The following DAAM2 variants were observed in gnomAD, a reference collection of about 807,000 sequenced individuals.
The protein encoded by DAAM2 is disheveled-associated activator of morphogenesis 2.
A neutral mutation model predicts 120.7 loss-of-function variants in DAAM2; 39 were observed. The observed-to-expected ratio is 0.32, with a 90% CI of 0.25 to 0.42. The LOEUF is 0.42. Ranked by LOEUF, DAAM2 falls within the 10% of genes least tolerant of loss-of-function variation. The pLI is 1.00. For synonymous variants in DAAM2, 488 were observed against 524.9 expected (o/e 0.93, Z 0.96); for missense variants, 1,283 against 1,401.7 (o/e 0.92, Z 1.35).
chr6:39,889,626 G>T (rs1765584182), intron 17 of DAAM2, among the ~76,000 whole-genome samples: 1 of 152,046 alleles, frequency 6.6e-6, no homozygotes, highest in African/African-American at 2.4e-5. Flanking sequence ...ATAATGTGGG[G>T]GCTGGAGGCA....
rs1176505769 is a variant in DAAM2 at position 39,873,637 on chromosome 6, G to A, written c.1162+282G>A. Among the ~76,000 whole-genome samples, 3 of 152,332 alleles carry A rather than the reference G, an allele frequency of 2.0e-5. No individual in the cohort carries two copies. In the East Asian group the frequency reaches 5.8e-4, roughly 29 times the overall value. ...AGCTTGATCATTGCAAAATTAAATA[G>A]CTCAGCTTTCAGCTCATGACGGGGG... On this transcript the variant is annotated intron_variant, in intron 10 of 24. Coordinates refer to ENST00000274867, the MANE Select transcript of DAAM2 (RefSeq NM_001201427.2).
chr6:39,797,382 C>T (rs1424230335), intron 1 of DAAM2, among the ~76,000 whole-genome samples: 3 of 152,130 alleles, frequency 2.0e-5, no homozygotes, highest in African/African-American at 4.8e-5. Flanking sequence ...ATTTAAACAT[C>T]GTTGACAATC....
Position 39,865,054 on chromosome 6 carries a change from C to A in DAAM2, c.408C>A (p.Ala136=). 6.3e-7 allele frequency: 1 copy of A among 1,577,934 alleles called. No homozygotes were observed. The highest frequency in any genetic ancestry group is 8.7e-7 in the Non-Finnish European group (1 of 1,151,776). ...AAGTCGTGGAAGACCTGAAGACAGC[C>A]CTCCGGACACAGCCTATGAGGTAAT... The part of the protein sequence containing the change: ...RNQVVEDLKT[A]LRTQPMRFVT... Residue 136 remains alanine (A), a synonymous_variant, in exon 5 of 25, where the codon GCC becomes GCA. Coordinates refer to ENST00000274867, the MANE Select transcript of DAAM2 (RefSeq NM_001201427.2).
Position 39,878,491 on chromosome 6 carries a change from T to A in DAAM2, c.1448T>A (p.Leu483Gln). Residue 483 changes from leucine (L) to glutamine (Q), a missense_variant, in exon 13 of 25, where the codon CTG becomes CAG. This residue lies in a region of DAAM2 where 748 missense variants were observed against 768.6 expected (regional missense o/e 0.97). Transcript: ENST00000274867. The surrounding 1 kb of genome is among the most constrained non-coding windows in gnomAD (Gnocchi z 5.0). Reference protein sequence around the residue: ...TLEKEEMMRTLNKMKDKLARE... With the variant: ...TLEKEEMMRTQNKMKDKLARE... ...GAGAAGGAAGAGATGATGCGGACGC[T>A]GAACAAAATGAAGGACAAGCTGGCC... The A allele has an allele frequency of 1.9e-6, 3 of 1,610,532 alleles. No individual in the cohort carries two copies.
In DAAM2 at chr6:39,878,355, A is replaced by G. The variant is rs745750441; in HGVS notation, c.1361-49A>G. ...GCCCTTCCAGGCAGGGAGTCACATT[A>G]CTCACATTCTCTCCTTCTGTTTCCT... is the stretch of plus-strand genomic sequence containing the variant. On this transcript the variant is annotated intron_variant, in intron 12 of 24. Coordinates refer to ENST00000274867, the MANE Select transcript of DAAM2 (RefSeq NM_001201427.2). The surrounding 1 kb of genome is among the most constrained non-coding windows in gnomAD (Gnocchi z 5.0). 7.5e-6 allele frequency: 12 copies of G among 1,608,506 alleles called. No homozygotes were observed. The African/African-American group carries it at 1.2e-4, about 16-fold the overall frequency.
rs1484588086 is a variant in DAAM2, at chr6:39,856,262, T to G, written c.-41T>G. On this transcript the variant is annotated 5_prime_UTR_variant, in exon 2 of 25. An upstream open reading frame in the 5' UTR loses its in-frame stop. Coordinates refer to ENST00000274867, the MANE Select transcript of DAAM2 (RefSeq NM_001201427.2). Reference sequence around the variant, plus strand: ...TCTTGTCCAGATCACAATGAGGACCTAGGGCATCTGTCTGCTGACGCCCCC... The same window carrying G: ...TCTTGTCCAGATCACAATGAGGACCGAGGGCATCTGTCTGCTGACGCCCCC... 1 of 1,433,354 alleles carries G rather than the reference T, an allele frequency of 7.0e-7. No individual in the cohort carries two copies. Among genetic ancestry groups the G allele is most frequent in the Non-Finnish European group, 9.2e-7 (1 of 1,091,760 alleles). 88.8% of individuals were successfully genotyped at this position (1,433,354 alleles called of 1,614,324 possible). A position where few individuals can be genotyped will look rare whatever the true frequency, so the allele number is the denominator to read the frequency against.
intron 1 of DAAM2, among the ~76,000 whole-genome samples, chr6:39,843,307 G>A (rs999192257): frequency 1.3e-5 from 2 of 152,148 alleles, no homozygotes; most frequent in African/African-American, 4.8e-5. Flanking sequence ...AGTGTGGAGT[G>A]GAGGAGTGGG....
chr6:39,849,769 G>A (rs1763736514), intron 1 of DAAM2, among the ~76,000 whole-genome samples: 1 of 152,190 alleles, frequency 6.6e-6, no homozygotes, highest in Non-Finnish European at 1.5e-5. Flanking sequence ...GGTGGAAGCA[G>A]GTGTGGTGTA....
intron 1 of DAAM2, among the ~76,000 whole-genome samples, chr6:39,799,116 C>T (rs534068932): frequency 1.4e-3 from 207 of 152,006 alleles, no homozygotes; most frequent in Non-Finnish European, 2.4e-3. Flanking sequence ...CCCAGTTTAT[C>T]GACTATGTGG....
At position 39,903,038 on chromosome 6, in the gene DAAM2, C is replaced by T. The variant is rs1029818933; in HGVS notation, c.*1001C>T. ...CTACTTCATATAAATTGCTCAGGCC[C>T]TCCCACCCCTTCTCTAACACTAGCT... On this transcript the variant is annotated 3_prime_UTR_variant, in exon 25 of 25. Transcript: ENST00000274867. 1 of 152,272 alleles carries T rather than the reference C, an allele frequency of 6.6e-6. No individual in the cohort carries two copies. The highest frequency in any genetic ancestry group is 1.5e-5 in the Non-Finnish European group (1 of 68,090). 9.4% of individuals were successfully genotyped at this position (152,272 alleles called of 1,614,324 possible). A position where few individuals can be genotyped will look rare whatever the true frequency, so the allele number is the denominator to read the frequency against.
At chr6:39,889,027 C>A in intron 17 of DAAM2, 1 of 260,096 alleles carries the variant, frequency 3.8e-6, no homozygotes. Context: ...AATCTCTTCC[C>A]TCTCAGTTTT....
At chr6:39,895,274 C>T (rs1177607797) in intron 19 of DAAM2, among the ~76,000 whole-genome samples, 2 of 144,986 alleles carry the variant, frequency 1.4e-5, no homozygotes, top group South Asian at 2.4e-4. Flanking sequence ...CTCACTCTGT[C>T]GCCCAGGCTG....
Position 39,878,074 on chromosome 6 carries a change from C to A in DAAM2, c.1302-129C>A, listed in dbSNP as rs192783804. The A allele has an allele frequency of 2.3e-6, 2 of 885,380 alleles. No homozygotes were observed. The highest frequency in any genetic ancestry group is 2.6e-5 in the East Asian group (1 of 38,610). The allele number at this position is 885,380 out of a possible 1,614,324, so 54.8% of individuals were successfully genotyped here. ...GACACCTGGGAAGTCTAAATCCTAG[C>A]CCCCTTGATGTGGCTGGACAGATTG... is the stretch of plus-strand genomic sequence containing the variant. On this transcript the variant is annotated intron_variant, in intron 11 of 24. Coordinates refer to ENST00000274867, the MANE Select transcript of DAAM2 (RefSeq NM_001201427.2). The surrounding 1 kb of genome is among the most constrained non-coding windows in gnomAD (Gnocchi z 5.0).
At chr6:39,804,472 T>C (rs1030224623) in intron 1 of DAAM2, among the ~76,000 whole-genome samples, 2 of 152,180 alleles carry the variant, frequency 1.3e-5, no homozygotes, top group Non-Finnish European at 2.9e-5. Flanking sequence ...ATTCTTTCCT[T>C]TTTTTCTGAG....
chr6:39,830,497 G>A (rs1266753063), intron 1 of DAAM2, among the ~76,000 whole-genome samples: 1 of 152,158 alleles, frequency 6.6e-6, no homozygotes, highest in Non-Finnish European at 1.5e-5. Flanking sequence ...CTTCTTCATC[G>A]TGAGTGGGGA....
intron 1 of DAAM2, among the ~76,000 whole-genome samples, chr6:39,838,497 C>T (rs9471182): frequency 0.1 from 15,767 of 152,028 alleles, 1,672 homozygotes; most frequent in East Asian, 0.36. Flanking sequence ...GCTGGTTGGT[C>T]GAGGCCTTGC....
At position 39,879,462 on chromosome 6, in the gene DAAM2, G is replaced by C; in HGVS notation, c.1830G>C (p.Trp610Cys). 6.2e-7 allele frequency: 1 copy of C among 1,614,034 alleles called. No individual in the cohort carries two copies. The highest frequency in any genetic ancestry group is 8.5e-7 in the Non-Finnish European group (1 of 1,179,908). ...QPSHPLKSFN[W>C]VKLNEERVPG... ...CTCACCCACTGAAGTCCTTCAACTGGGTGAAGCTGAATGAGGTGAGCATCT... is the reference window on the plus strand; with the variant it reads ...CTCACCCACTGAAGTCCTTCAACTGCGTGAAGCTGAATGAGGTGAGCATCT... Residue 610 changes from tryptophan to cysteine, a missense_variant, in exon 14 of 25, where the codon TGG (tryptophan) becomes TGC (cysteine). Trp to Cys is a radical substitution (Grantham distance 215). Transcript: ENST00000274867.
intron 9 of DAAM2, among the ~76,000 whole-genome samples, chr6:39,871,914 G>C (rs1459939671): frequency 6.6e-6 from 1 of 152,204 alleles, no homozygotes; most frequent in Admixed American, 6.5e-5. Context: ...GAGAACATAA[G>C]GGGCCACTGG....
intron 1 of DAAM2, among the ~76,000 whole-genome samples, chr6:39,841,484 C>T (rs13212273): frequency 0.42 from 63,144 of 151,726 alleles, 15,017 homozygotes; most frequent in Admixed American, 0.53. Flanking sequence ...TGAGTGGCTT[C>T]GGCTGAATCA....
Sources: allele counts gnomAD v4.1 joint callset (sites outside exome capture counted in the v4.1 genomes callset), GRCh38; gene constraint gnomAD v4.1.1; regional missense constraint gnomAD v4.1.1; non-coding constraint Gnocchi (gnomAD v3.1); transcripts MANE v1.5; gene names NCBI Gene and HGNC (gene_info 2026-07-23, HGNC 2026-07-21).